Variants in EP300 observed in about 807,000 individuals in gnomAD.
The protein encoded by EP300 is EP300 lysine acetyltransferase.
EP300 carries 31 observed loss-of-function variants against 264.0 expected under a neutral mutation model. That is an observed-to-expected ratio of 0.12 (90% CI 0.09 to 0.16). The LOEUF is 0.16. EP300 is among the 10% of genes least tolerant of loss of function. The pLI is 1.00. For missense variants in EP300, 2,766 were observed against 3,052.9 expected (o/e 0.91, Z 2.21); for synonymous variants, 1,340 against 1,045.4 (o/e 1.28, Z -5.44).
At chr22:41,161,259 C>T (rs986369878) in intron 20 of EP300, among the ~76,000 whole-genome samples, 1 of 152,162 alleles carries the variant, frequency 6.6e-6, no homozygotes, top group African/African-American at 2.4e-5. Flanking sequence ...TTGTGCTTTG[C>T]AGTCTCACAA....
chr22:41,135,524 C>A (rs2058945576), intron 6 of EP300, among the ~76,000 whole-genome samples: 1 of 150,430 alleles, frequency 6.6e-6, no homozygotes, highest in Non-Finnish European at 1.5e-5. Context: ...TCCTGAAGTG[C>A]TGAGATTACA....
In EP300 at chr22:41,165,016, G is replaced by GCT. The variant is rs537646609; in HGVS notation, c.3806+886_3806+887insCT. On this transcript the variant is annotated intron_variant, in intron 22 of 30. Coordinates refer to ENST00000263253, the MANE Select transcript of EP300 (RefSeq NM_001429.4). ...GCTGATTGTTGTTCCTGATTTGGAG[G>GCT]TTACAAGAAAGGGCAGGCTAATTGA... 1.4e-4 allele frequency among the ~76,000 whole-genome samples: 22 copies of GCT among 152,268 alleles called. No individual in the cohort carries two copies. In the South Asian group the frequency reaches 4.6e-3, roughly 32 times the overall value.
intron 1 of EP300, among the ~76,000 whole-genome samples, chr22:41,106,155 C>G (rs1295315913): frequency 6.6e-6 from 1 of 152,038 alleles, no homozygotes; most frequent in Non-Finnish European, 1.5e-5. Flanking sequence ...GTTGTTGGAA[C>G]CTGATAAATT....
intron 14 of EP300, among the ~76,000 whole-genome samples, chr22:41,151,601 G>C (rs920211268): frequency 5.9e-5 from 9 of 152,146 alleles, no homozygotes; most frequent in Non-Finnish European, 1.3e-4. Context: ...TGAAATAGTT[G>C]CTGGTTCTTT....
rs762760904 is a variant in EP300, at chr22:41,168,465, A to G, written c.3891A>G (p.Arg1297=). The G allele has an allele frequency of 1.2e-6, 2 of 1,614,094 alleles. No individual in the cohort carries two copies. Among genetic ancestry groups the G allele is most frequent in the African/African-American group, 1.3e-5 (1 of 74,944 alleles). ...CATTCCTAGGGTTGCCATCTACCAGACTTGGCACCTTTCTAGAGAATCGTG... is the reference window on the plus strand; with the variant it reads ...CATTCCTAGGGTTGCCATCTACCAGGCTTGGCACCTTTCTAGAGAATCGTG... ...KFSAKRLPST[R]LGTFLENRVN... is the part of the protein sequence containing the mutation. Residue 1297 remains arginine, a synonymous_variant, in exon 24 of 31, where the codon AGA becomes AGG. Coordinates refer to ENST00000263253, the MANE Select transcript of EP300 (RefSeq NM_001429.4).
At position 41,147,465 on chromosome 22, in the gene EP300, C is replaced by T. The variant is rs146228870; in HGVS notation, c.2132-372C>T. ...GTCCTGATAGAATCAGGGCCAGGTGCGGTGGCTCACGCCTGTAATCCCAGC... is the reference window on the plus strand; with the variant it reads ...GTCCTGATAGAATCAGGGCCAGGTGTGGTGGCTCACGCCTGTAATCCCAGC... On this transcript the variant is annotated intron_variant, in intron 11 of 30. Transcript: ENST00000263253. Among the ~76,000 whole-genome samples the T allele has an allele frequency of 1.5e-3, 221 of 150,286 alleles. 2 individuals are homozygous for T. The highest frequency in any genetic ancestry group is 8.7e-3 in the East Asian group (43 of 4,954).
chr22:41,152,207 C>G lies in EP300; in HGVS notation c.2999C>G (p.Ser1000Cys), dbSNP rs1434557433. 4 of 1,613,786 alleles carry G rather than the reference C, an allele frequency of 2.5e-6. No homozygotes were observed. The highest frequency in any genetic ancestry group is 2.2e-5 in the East Asian group (1 of 44,896). The change falls in exon 16 of 31, where the codon TCT becomes TGT. Residue 1000 changes from serine to cysteine, a missense_variant and splice_region_variant. By Grantham distance (112) the Ser-to-Cys change is moderately radical. Transcript: ENST00000263253. ...ADTQPEDISE[S>C]KVEDCKMEST... ...AAAAATTCTTACGTTTTCTTTTAGT[C>G]TAAAGTGGAAGACTGTAAAATGGAA... is the stretch of plus-strand genomic sequence containing the variant.
At chr22:41,141,252 A>G in intron 10 of EP300, 30 bp downstream of exon 10, 1 of 1,598,270 alleles carries the variant, frequency 6.3e-7, no homozygotes, top group Non-Finnish European at 8.6e-7. Context: ...TTTCTGTTTG[A>G]GAGAAATTGA....
At chr22:41,137,151 G>A (rs547884494) in intron 7 of EP300, among the ~76,000 whole-genome samples, 2 of 152,060 alleles carry the variant, frequency 1.3e-5, no homozygotes, top group East Asian at 3.9e-4. Flanking sequence ...TTGAGGTCAG[G>A]AGTTTGAGAC....
chr22:41,176,958 G>A lies in EP300; in HGVS notation c.5247G>A (p.Arg1749=), dbSNP rs2059204262. 1.2e-6 allele frequency: 2 copies of A among 1,614,040 alleles called. No individual in the cohort carries two copies. The highest frequency in any genetic ancestry group is 2.7e-5 in the African/African-American group (2 of 74,900). The part of the protein sequence containing the change: ...IQSLVHACQC[R]NANCSLPSCQ... ...CTCTGGTCCATGCTTGCCAGTGTCG[G>A]AATGCCAATTGCTCACTGCCATCCT... Residue 1749 remains arginine, a synonymous_variant, in exon 31 of 31, where the codon CGG becomes CGA. Transcript: ENST00000263253.
intron 1 of EP300, among the ~76,000 whole-genome samples, chr22:41,095,274 C>T (rs2058696145): frequency 8.7e-6 from 1 of 114,564 alleles, no homozygotes; most frequent in Non-Finnish European, 1.7e-5. Context: ...GAGTCTCATT[C>T]TGTCACCCAG....
intron 1 of EP300, among the ~76,000 whole-genome samples, chr22:41,115,597 C>T (rs374932278): frequency 5.7e-4 from 86 of 152,194 alleles, no homozygotes; most frequent in African/African-American, 1.9e-3. Context: ...CACACCCAGC[C>T]GACTTTATTG....
In EP300 at chr22:41,177,983, A is replaced by C; in HGVS notation, c.6272A>C (p.Lys2091Thr). The C allele has an allele frequency of 1.2e-6, 2 of 1,614,170 alleles. No individual in the cohort carries two copies. Among genetic ancestry groups the C allele is most frequent in the South Asian group, 1.1e-5 (1 of 91,084 alleles). The change falls in exon 31 of 31, where the codon AAG becomes ACG. Residue 2091 changes from lysine to threonine, a missense_variant. Transcript: ENST00000263253. Reference sequence around the variant, plus strand: ...GCATTCATCAAGCAGCGGGCTGCCAAGTATGCCAACTCTAATCCACAACCC... The same window carrying C: ...GCATTCATCAAGCAGCGGGCTGCCACGTATGCCAACTCTAATCCACAACCC... The part of the protein sequence containing the change: ...LAAFIKQRAA[K>T]YANSNPQPIP...
chr22:41,098,587 G>A (rs967138693), intron 1 of EP300, among the ~76,000 whole-genome samples: 67 of 152,220 alleles, frequency 4.4e-4, no homozygotes, highest in African/African-American at 1.6e-3. Context: ...TAGCAAGGAT[G>A]GTCTCCATAC....
At chr22:41,144,944 CA>C (rs1245542256) in intron 10 of EP300, among the ~76,000 whole-genome samples, 3 of 152,088 alleles carry the variant, frequency 2.0e-5, no homozygotes, top group Non-Finnish European at 4.4e-5. Flanking sequence ...CTTTCTCCTA[CA>C]GTGACACCTG....
chr22:41,149,993 C>T lies in EP300; in HGVS notation c.2612C>T (p.Pro871Leu), dbSNP rs2059034280. ...APVPTPPAMP[P>L]GPQSQALHPP... The stretch of plus-strand genomic sequence containing the variant: ...GTTCCTACACCTCCTGCCATGCCAC[C>T]TGGGCCACAGTCCCAGGCTCTACAT... Residue 871 changes from proline to leucine, a missense_variant, in exon 14 of 31, where the codon CCT becomes CTT. Transcript: ENST00000263253. The T allele has an allele frequency of 6.2e-7, 1 of 1,614,012 alleles. No homozygotes were observed. The highest frequency in any genetic ancestry group is 1.7e-5 in the Admixed American group (1 of 59,998).
chr22:41,131,007 G>A (rs2058915862), intron 5 of EP300, among the ~76,000 whole-genome samples: 1 of 152,102 alleles, frequency 6.6e-6, no homozygotes, highest in South Asian at 2.1e-4. Flanking sequence ...AGGAGAGAGG[G>A]GAACTCCCAA....
intron 2 of EP300, among the ~76,000 whole-genome samples, chr22:41,125,279 C>A (rs1302394322): frequency 1.3e-5 from 2 of 151,696 alleles, no homozygotes; most frequent in Admixed American, 6.6e-5. Context: ...CCACCACACC[C>A]GGCTAATTTT....
intron 27 of EP300, 26 bp downstream of exon 27, chr22:41,170,597 G>T (rs1243705292): frequency 2.5e-6 from 4 of 1,606,776 alleles, no homozygotes; most frequent in Non-Finnish European, 2.6e-6. Flanking sequence ...GGGGCCAGGT[G>T]CTGACAATAG....
Sources: gnomAD v4.1 joint callset for allele counts (sites outside exome capture counted in the v4.1 genomes callset) on GRCh38, gnomAD v4.1.1 for gene constraint, MANE v1.5 for transcripts, NCBI Gene and HGNC (gene_info 2026-07-23, HGNC 2026-07-21) for gene names.